Variants in CSMD1 observed in about 807,000 individuals in gnomAD.
The protein encoded by CSMD1 is CUB and Sushi multiple domains 1.
Under a neutral mutation model 417.5 loss-of-function variants are expected in CSMD1, and 213 were observed. The ratio of observed to expected loss-of-function variants is 0.51; its 90% confidence interval spans 0.46 to 0.57. CSMD1 has a LOEUF of 0.57. Among genes scored for constraint, CSMD1 ranks in the 20% least tolerant of loss-of-function variants. The pLI is 0.00. For synonymous variants in CSMD1, 2,862 were observed against 1,736.8 expected (o/e 1.65, Z -16.11); for missense variants, 6,923 against 4,529.7 (o/e 1.53, Z -15.17).
intron 18 of CSMD1, among the ~76,000 whole-genome samples, chr8:3,378,275 G>C (rs1471370553): frequency 1.3e-5 from 2 of 152,096 alleles, no homozygotes; most frequent in Non-Finnish European, 2.9e-5. Flanking sequence ...CCAACTAAAA[G>C]AAGCCCAGGA....
intron 50 of CSMD1, among the ~76,000 whole-genome samples, chr8:3,032,472 G>C (rs1400755185): frequency 1.3e-5 from 2 of 151,992 alleles, no homozygotes; most frequent in Non-Finnish European, 2.9e-5. Flanking sequence ...TGGTCAATAA[G>C]GCTGTCCCAA....
intron 5 of CSMD1, among the ~76,000 whole-genome samples, chr8:3,988,909 T>C (rs141609408): frequency 2.8e-4 from 43 of 152,348 alleles, no homozygotes; most frequent in Admixed American, 6.5e-4. Flanking sequence ...ATCAATGTTT[T>C]AAAAGTTGAG....
chr8:3,297,719 A>G (rs1449409273), intron 25 of CSMD1, among the ~76,000 whole-genome samples: 1 of 152,212 alleles, frequency 6.6e-6, no homozygotes, highest in Non-Finnish European at 1.5e-5. Flanking sequence ...ACCTAAGATA[A>G]TATTTGTATA....
At chr8:4,854,934 C>T (rs570223861) in intron 1 of CSMD1, among the ~76,000 whole-genome samples, 1 of 152,202 alleles carries the variant, frequency 6.6e-6, no homozygotes, top group Non-Finnish European at 1.5e-5. Flanking sequence ...GGTCTGCCTG[C>T]CTCTGTAGGC....
intron 4 of CSMD1, among the ~76,000 whole-genome samples, chr8:4,019,779 G>A (rs1001018283): frequency 6.6e-6 from 1 of 152,076 alleles, no homozygotes; most frequent in African/African-American, 2.4e-5. Flanking sequence ...GTGGTGGTGT[G>A]TAAAATAAAG....
chr8:3,046,617 TG>T (rs1811463343), intron 50 of CSMD1, among the ~76,000 whole-genome samples: 1 of 152,070 alleles, frequency 6.6e-6, no homozygotes, highest in African/African-American at 2.4e-5. Context: ...CACGGTACAG[TG>T]TACCCCCAGG....
intron 2 of CSMD1, among the ~76,000 whole-genome samples, chr8:4,605,941 G>T (rs1800844150): frequency 6.6e-6 from 1 of 152,134 alleles, no homozygotes; most frequent in South Asian, 2.1e-4. Context: ...TTTATGACGA[G>T]GATGTGTCTA....
intron 1 of CSMD1, among the ~76,000 whole-genome samples, chr8:4,892,591 T>A (rs545047635): frequency 6.6e-6 from 1 of 152,104 alleles, no homozygotes; most frequent in African/African-American, 2.4e-5. Context: ...TACAGAAATA[T>A]ATACAGAAAA....
intron 26 of CSMD1, among the ~76,000 whole-genome samples, chr8:3,232,451 C>A (rs1307470262): frequency 6.6e-6 from 1 of 152,108 alleles, no homozygotes; most frequent in African/African-American, 2.4e-5. Context: ...GTATAGTTTT[C>A]CATTGCAGGA....
At chr8:4,221,654 C>T (rs1384555471) in intron 3 of CSMD1, among the ~76,000 whole-genome samples, 1 of 152,150 alleles carries the variant, frequency 6.6e-6, no homozygotes, top group Non-Finnish European at 1.5e-5. Flanking sequence ...ACACCATCCC[C>T]TACTTGACAG....
At chr8:4,087,914 G>C (rs1327558505) in intron 3 of CSMD1, among the ~76,000 whole-genome samples, 2 of 152,234 alleles carry the variant, frequency 1.3e-5, no homozygotes, top group East Asian at 3.9e-4. Flanking sequence ...AAGGATGCCT[G>C]AGGTCAAAAT....
At chr8:4,462,839 T>C (rs994353168) in intron 2 of CSMD1, among the ~76,000 whole-genome samples, 4 of 152,026 alleles carry the variant, frequency 2.6e-5, no homozygotes, top group Non-Finnish European at 4.4e-5. Flanking sequence ...TAGACCCAAA[T>C]GTAAGAAGTG....
At chr8:4,390,714 C>A (rs13260803) in intron 3 of CSMD1, among the ~76,000 whole-genome samples, 21 of 151,464 alleles carry the variant, frequency 1.4e-4, no homozygotes, top group African/African-American at 3.6e-4. Flanking sequence ...GGGGTTTCAC[C>A]ATGTTAGCCA....
chr8:4,033,943 G>C (rs985229702), intron 3 of CSMD1, among the ~76,000 whole-genome samples: 1 of 152,158 alleles, frequency 6.6e-6, no homozygotes, highest in African/African-American at 2.4e-5. Context: ...TATGTCATCA[G>C]TAAATTAGCT....
chr8:3,424,059 ATTAT>A (rs1397059233), intron 12 of CSMD1, among the ~76,000 whole-genome samples: 1 of 152,188 alleles, frequency 6.6e-6, no homozygotes, highest in East Asian at 1.9e-4. Context: ...CCTTTTAAAA[ATTAT>A]TTGTTTTATG....
chr8:4,219,711 G>C (rs1800911278), intron 3 of CSMD1, among the ~76,000 whole-genome samples: 1 of 152,042 alleles, frequency 6.6e-6, no homozygotes, highest in Non-Finnish European at 1.5e-5. Context: ...TATTATTTTG[G>C]GGACTGTCTT....
chr8:3,757,652 C>A (rs1313073642), intron 5 of CSMD1, among the ~76,000 whole-genome samples: 1 of 152,008 alleles, frequency 6.6e-6, no homozygotes, highest in Non-Finnish European at 1.5e-5. Flanking sequence ...CACCTGAGGT[C>A]AAGAGTTCAA....
intron 5 of CSMD1, among the ~76,000 whole-genome samples, chr8:3,827,478 G>A (rs1006467974): frequency 2.6e-5 from 4 of 152,102 alleles, no homozygotes; most frequent in Admixed American, 6.6e-5. Flanking sequence ...GGTCTTTCAC[G>A]ACGTGGTTTT....
intron 5 of CSMD1, among the ~76,000 whole-genome samples, chr8:3,932,619 A>G (rs1810230591): frequency 6.6e-6 from 1 of 150,510 alleles, no homozygotes; most frequent in Non-Finnish European, 1.5e-5. Context: ...ATATTTCACC[A>G]AACATTTATA....
Sources: allele counts gnomAD v4.1 joint callset (sites outside exome capture counted in the v4.1 genomes callset), GRCh38; gene constraint gnomAD v4.1.1; transcripts MANE v1.5; gene names NCBI Gene and HGNC (gene_info 2026-07-23, HGNC 2026-07-21).